The following MRPL1 variants were observed in gnomAD, a reference collection of about 807,000 sequenced individuals.
MRPL1 encodes large ribosomal subunit protein uL1m.
Under a neutral mutation model 38.0 loss-of-function variants are expected in MRPL1, and 28 were observed. That is an observed-to-expected ratio of 0.74 (90% CI 0.55 to 1.01). The LOEUF is 1.01. Among genes scored for constraint, MRPL1 ranks in the 50% least tolerant of loss-of-function variants. The pLI, the probability that MRPL1 is intolerant of heterozygous loss-of-function variation, is 0.00. For synonymous variants in MRPL1, 123 were observed against 126.7 expected (o/e 0.97, Z 0.20); for missense variants, 358 against 389.8 (o/e 0.92, Z 0.69).
intron 6 of MRPL1, among the ~76,000 whole-genome samples, chr4:77,905,990 G>A (rs1333513115): frequency 6.6e-6 from 1 of 152,164 alleles, no homozygotes; most frequent in Non-Finnish European, 1.5e-5. Flanking sequence ...AGAGATTGGG[G>A]CTGGAGATAA....
At chr4:77,915,740 A>G (rs956025096) in intron 7 of MRPL1, among the ~76,000 whole-genome samples, 3 of 152,072 alleles carry the variant, frequency 2.0e-5, no homozygotes, top group Non-Finnish European at 4.4e-5. Flanking sequence ...ATTTCCTACC[A>G]TTTGTATCTG....
intron 6 of MRPL1, among the ~76,000 whole-genome samples, chr4:77,905,742 T>A (rs1304367244): frequency 1.3e-5 from 2 of 152,238 alleles, no homozygotes; most frequent in African/African-American, 4.8e-5. Flanking sequence ...ATACATTTTT[T>A]GATATTCCAT....
At chr4:77,928,456 C>T (rs543807881) in intron 7 of MRPL1, among the ~76,000 whole-genome samples, 1 of 152,216 alleles carries the variant, frequency 6.6e-6, no homozygotes, top group African/African-American at 2.4e-5. Context: ...CACTTCCCTT[C>T]CTCCTTTTCC....
intron 6 of MRPL1, among the ~76,000 whole-genome samples, chr4:77,897,397 C>A (rs556561137): frequency 3.3e-5 from 5 of 152,254 alleles, no homozygotes; most frequent in Admixed American, 6.5e-5. Flanking sequence ...TTAATGGTAT[C>A]AGATGTTTAT....
chr4:77,935,837 C>A (rs1052924827), intron 7 of MRPL1, among the ~76,000 whole-genome samples: 3 of 151,066 alleles, frequency 2.0e-5, no homozygotes, highest in Non-Finnish European at 4.4e-5. Context: ...GAGGCTAAGG[C>A]AGGAGAATCA....
intron 7 of MRPL1, among the ~76,000 whole-genome samples, chr4:77,948,417 G>A (rs930698599): frequency 7.9e-5 from 12 of 152,128 alleles, no homozygotes; most frequent in African/African-American, 2.9e-4. Flanking sequence ...GTAAATTAAA[G>A]TCTGTACGGT....
At chr4:77,900,293 G>A (rs1279879880) in intron 6 of MRPL1, among the ~76,000 whole-genome samples, 1 of 152,170 alleles carries the variant, frequency 6.6e-6, no homozygotes, top group Non-Finnish European at 1.5e-5. Flanking sequence ...ACTTAGTACT[G>A]AGGATTGAAA....
intron 2 of MRPL1, among the ~76,000 whole-genome samples, chr4:77,872,896 A>G (rs1315207588): frequency 1.3e-5 from 2 of 152,024 alleles, no homozygotes; most frequent in African/African-American, 4.8e-5. Context: ...AGCTGGACAT[A>G]GTGGTGTGTA....
intron 6 of MRPL1, among the ~76,000 whole-genome samples, chr4:77,895,930 G>A (rs536094107): frequency 6.6e-6 from 1 of 152,048 alleles, no homozygotes; most frequent in African/African-American, 2.4e-5. Flanking sequence ...TGAATTTGAT[G>A]AAAATATTTC....
intron 7 of MRPL1, among the ~76,000 whole-genome samples, chr4:77,948,670 G>A (rs965782969): frequency 6.6e-6 from 1 of 152,156 alleles, no homozygotes; most frequent in Non-Finnish European, 1.5e-5. Context: ...AGTGCTCTCA[G>A]AGTCTTTGGA....
chr4:77,913,204 T>C (rs1736329721), intron 7 of MRPL1, among the ~76,000 whole-genome samples: 1 of 152,062 alleles, frequency 6.6e-6, no homozygotes, highest in Admixed American at 6.6e-5. Flanking sequence ...TTCTACTCTT[T>C]AAAAGACACT....
At chr4:77,915,706 C>A (rs1044061715) in intron 7 of MRPL1, among the ~76,000 whole-genome samples, 2 of 152,138 alleles carry the variant, frequency 1.3e-5, no homozygotes, top group African/African-American at 4.8e-5. Flanking sequence ...AAGCCACTGC[C>A]CCGGCCTTAG....
Position 77,885,341 on chromosome 4 carries a change from T to C in MRPL1, c.486+2T>C, listed in dbSNP as rs2110236354. 4.4e-6 allele frequency: 7 copies of C among 1,605,614 alleles called. No individual in the cohort carries two copies. Among genetic ancestry groups the C allele is most frequent in the Non-Finnish European group, 6.0e-6 (7 of 1,172,314 alleles). ...AATAAAGTTGCTGTATTTACAGAGG[T>C]GAGTAACTTCCGTCAACTATTTATA... On this transcript the variant is annotated splice_donor_variant, in intron 4 of 8. Transcript: ENST00000315567. LOFTEE classifies it high-confidence loss of function.
intron 2 of MRPL1, among the ~76,000 whole-genome samples, chr4:77,874,954 T>C (rs1735360970): frequency 6.6e-6 from 1 of 151,660 alleles, no homozygotes; most frequent in Non-Finnish European, 1.5e-5. Flanking sequence ...GCTAATTTTT[T>C]TTTTTGTATT....
At chr4:77,885,717 A>G (rs1411715561) in intron 4 of MRPL1, among the ~76,000 whole-genome samples, 9 of 152,104 alleles carry the variant, frequency 5.9e-5, no homozygotes, top group Admixed American at 4.6e-4. Flanking sequence ...TTATTAACCA[A>G]TCATTAGCAC....
At chr4:77,900,189 ATTC>A (rs1471822598) in intron 6 of MRPL1, among the ~76,000 whole-genome samples, 1 of 152,214 alleles carries the variant, frequency 6.6e-6, no homozygotes, top group Non-Finnish European at 1.5e-5. Context: ...AGGAGAAGCT[ATTC>A]TTTTTCATGT....
At chr4:77,946,376 G>A (rs547147837) in intron 7 of MRPL1, among the ~76,000 whole-genome samples, 22 of 151,524 alleles carry the variant, frequency 1.5e-4, no homozygotes, top group African/African-American at 4.4e-4. Context: ...TTAAGCACAC[G>A]TTTTACAATC....
At chr4:77,930,594 T>TTA (rs1736822177) in intron 7 of MRPL1, among the ~76,000 whole-genome samples, 1 of 152,154 alleles carries the variant, frequency 6.6e-6, no homozygotes. Flanking sequence ...GAAATTTGAC[T>TTA]ACACAGAGGC....
chr4:77,951,232 T>G (rs994456899), intron 8 of MRPL1, among the ~76,000 whole-genome samples: 4 of 152,264 alleles, frequency 2.6e-5, no homozygotes, highest in Non-Finnish European at 5.9e-5. Flanking sequence ...TTTTAGTTTT[T>G]AGGGAATTTT....
Sources: gnomAD v4.1 joint callset for allele counts (sites outside exome capture counted in the v4.1 genomes callset) on GRCh38, gnomAD v4.1.1 for gene constraint, MANE v1.5 for transcripts, NCBI Gene and HGNC (gene_info 2026-07-23, HGNC 2026-07-21) for gene names.